The following DPP10 variants were observed in gnomAD, a reference collection of about 807,000 sequenced individuals.
The protein encoded by DPP10 is inactive dipeptidyl peptidase 10.
A neutral mutation model predicts 120.9 loss-of-function variants in DPP10; 33 were observed. The observed-to-expected ratio is 0.27, with a 90% CI of 0.21 to 0.37. DPP10 has a LOEUF of 0.37. DPP10 is among the 10% of genes least tolerant of loss of function. The pLI is 1.00. For synonymous variants in DPP10, 337 were observed against 326.1 expected (o/e 1.03, Z -0.36); for missense variants, 816 against 942.8 (o/e 0.87, Z 1.76).
chr2:114,768,819 T>G (rs925382533), intron 1 of DPP10, among the ~76,000 whole-genome samples: 1 of 152,206 alleles, frequency 6.6e-6, no homozygotes, highest in South Asian at 2.1e-4. Flanking sequence ...GTACATTCAA[T>G]ATTTGATAAA....
At chr2:115,569,025 T>TG (rs2081188078) in intron 5 of DPP10, among the ~76,000 whole-genome samples, 1 of 152,256 alleles carries the variant, frequency 6.6e-6, no homozygotes, top group Non-Finnish European at 1.5e-5. Context: ...ACAAAGTTCC[T>TG]TTCTTTGCTA....
At chr2:114,663,203 AT>A in intron 1 of DPP10, among the ~76,000 whole-genome samples, 1 of 151,090 alleles carries the variant, frequency 6.6e-6, no homozygotes, top group East Asian at 2.0e-4. Context: ...CGTAATCACT[AT>A]CTCCAGTAAA....
intron 19 of DPP10, among the ~76,000 whole-genome samples, chr2:115,792,463 A>T (rs1684091907): frequency 6.6e-6 from 1 of 152,004 alleles, no homozygotes; most frequent in African/African-American, 2.4e-5. Context: ...ATAATATTTA[A>T]TTTTCTCTCT....
At chr2:114,585,166 A>G (rs929720579) in intron 1 of DPP10, among the ~76,000 whole-genome samples, 2 of 151,922 alleles carry the variant, frequency 1.3e-5, no homozygotes, top group African/African-American at 2.4e-5. Context: ...TATGACCTAC[A>G]CTCTCCTTTG....
intron 3 of DPP10, among the ~76,000 whole-genome samples, chr2:115,387,478 G>T (rs1056819206): frequency 6.6e-6 from 1 of 152,108 alleles, no homozygotes; most frequent in Non-Finnish European, 1.5e-5. Flanking sequence ...TCAAAGCAAA[G>T]TAGCAGGATT....
chr2:114,703,092 C>A (rs574969108), intron 1 of DPP10, among the ~76,000 whole-genome samples: 1 of 151,826 alleles, frequency 6.6e-6, no homozygotes. Flanking sequence ...ATTGCATTGC[C>A]GGTGAGATTC....
intron 1 of DPP10, among the ~76,000 whole-genome samples, chr2:114,627,593 G>T (rs1184791054): frequency 1.3e-5 from 2 of 151,878 alleles, no homozygotes; most frequent in East Asian, 1.9e-4. Flanking sequence ...CAATAGAGGG[G>T]GTGAGCTGGG....
intron 1 of DPP10, chr2:115,161,822 CTCCGCT>C: frequency 4.2e-5 from 36 of 859,626 alleles, no homozygotes; most frequent in Non-Finnish European, 4.6e-5. Flanking sequence ...CTCCCCGCCC[CTCCGCT>C]CCCCCCACCC....
chr2:115,798,584 C>T (rs1413543126), intron 19 of DPP10, among the ~76,000 whole-genome samples: 2 of 152,064 alleles, frequency 1.3e-5, no homozygotes, highest in Non-Finnish European at 2.9e-5. Flanking sequence ...GCCAGAGCTC[C>T]AGGCTTTTCT....
At chr2:115,137,463 C>A (rs1252086526) in intron 1 of DPP10, among the ~76,000 whole-genome samples, 1 of 152,186 alleles carries the variant, frequency 6.6e-6, no homozygotes, top group Admixed American at 6.5e-5. Flanking sequence ...ACTATCCACC[C>A]TGCAGAGGAT....
At position 115,551,361 on chromosome 2, in the gene DPP10, A is replaced by G. The variant is rs2079861067; in HGVS notation, c.441+25389A>G. ...TATGGCTATGATATGGGTAGCAAGA[A>G]CTTCCCAAGACTGGGCTGTAGTTAA... On this transcript the variant is annotated intron_variant, in intron 5 of 25. Coordinates refer to ENST00000410059, the MANE Select transcript of DPP10 (RefSeq NM_020868.6). 3.3e-5 allele frequency among the ~76,000 whole-genome samples: 5 copies of G among 152,126 alleles called. No homozygotes were observed. In the South Asian group the frequency reaches 1.0e-3, roughly 31 times the overall value.
intron 1 of DPP10, among the ~76,000 whole-genome samples, chr2:114,991,855 C>T (rs2104931697): frequency 6.6e-6 from 1 of 152,228 alleles, no homozygotes; most frequent in East Asian, 1.9e-4. Flanking sequence ...ATGCTGATAT[C>T]CACATATGCT....
At chr2:114,468,418 A>G (rs1369186059) in intron 1 of DPP10, among the ~76,000 whole-genome samples, 1 of 149,408 alleles carries the variant, frequency 6.7e-6, no homozygotes, top group Admixed American at 6.6e-5. Context: ...AAAAAAAAAA[A>G]AAATTACAGG....
intron 1 of DPP10, chr2:114,462,166 C>T: frequency 1.0e-6 from 1 of 984,426 alleles, no homozygotes; most frequent in Non-Finnish European, 1.2e-6. Flanking sequence ...AAAAAATACA[C>T]ATTAAAGTCT....
chr2:115,580,400 A>G (rs1034302329), intron 5 of DPP10, among the ~76,000 whole-genome samples: 2 of 152,172 alleles, frequency 1.3e-5, no homozygotes, highest in African/African-American at 4.8e-5. Context: ...TATAATCAAC[A>G]TTATTATCAT....
chr2:115,359,886 A>G (rs1282616503), intron 3 of DPP10, among the ~76,000 whole-genome samples: 3 of 152,108 alleles, frequency 2.0e-5, no homozygotes, highest in Non-Finnish European at 4.4e-5. Flanking sequence ...TTATTTCCTC[A>G]GCATTGTCTA....
At chr2:115,792,626 T>G (rs900960958) in intron 19 of DPP10, among the ~76,000 whole-genome samples, 1 of 151,922 alleles carries the variant, frequency 6.6e-6, no homozygotes, top group African/African-American at 2.4e-5. Flanking sequence ...AATTCATTGT[T>G]TTTTTTTCTT....
At chr2:114,776,128 T>A (rs1681713588) in intron 1 of DPP10, among the ~76,000 whole-genome samples, 2 of 152,132 alleles carry the variant, frequency 1.3e-5, no homozygotes, top group African/African-American at 4.8e-5. Flanking sequence ...TAGCTCTAGA[T>A]AAAAATAAAG....
At chr2:115,342,314 C>T (rs1055921206) in intron 2 of DPP10, 6 of 277,864 alleles carry the variant, frequency 2.2e-5, no homozygotes, top group East Asian at 1.3e-4. Flanking sequence ...TCAAGCAGTT[C>T]TCCCACCTCA....
Sources: gnomAD v4.1 joint callset for allele counts (sites outside exome capture counted in the v4.1 genomes callset) on GRCh38, gnomAD v4.1.1 for gene constraint, MANE v1.5 for transcripts, NCBI Gene and HGNC (gene_info 2026-07-23, HGNC 2026-07-21) for gene names.